The following HOXB4 variants were observed in gnomAD, a reference collection of about 807,000 sequenced individuals.
HOXB4 encodes homeobox protein Hox-B4.
A neutral mutation model predicts 20.0 loss-of-function variants in HOXB4; 13 were observed. That is an observed-to-expected ratio of 0.65 (90% CI 0.42 to 1.03). The LOEUF is 1.03. Among genes scored for constraint, HOXB4 ranks in the 50% least tolerant of loss-of-function variants. The pLI is 0.00. For synonymous variants in HOXB4, 173 were observed against 148.9 expected (o/e 1.16, Z -1.18); for missense variants, 343 against 357.1 (o/e 0.96, Z 0.32).
intron 1 of HOXB4, among the ~76,000 whole-genome samples, chr17:48,577,528 ACCT>A (rs1405497913): frequency 1.3e-5 from 2 of 151,788 alleles, no homozygotes; most frequent in East Asian, 1.9e-4. Flanking sequence ...AATACGGATT[ACCT>A]CCTCCTCCTT....
chr17:48,577,870 C>T lies in HOXB4; in HGVS notation c.450G>A (p.Val150=). 7.1e-7 allele frequency: 1 copy of T among 1,400,320 alleles called. No individual in the cohort carries two copies. The highest frequency in any genetic ancestry group is 9.3e-7 in the Non-Finnish European group (1 of 1,072,640). 86.7% of individuals were successfully genotyped at this position (1,400,320 alleles called of 1,614,324 possible). A position where few individuals can be genotyped will look rare whatever the true frequency, so the allele number is the denominator to read the frequency against. Residue 150 remains valine (V), a synonymous_variant, in exon 1 of 2, where the codon GTG becomes GTA. Transcript: ENST00000332503. ...VVYPWMRKVH[V]STVNPNYAGG... Reference sequence around the variant, plus strand: ...GGGTGCCCACGCACTCACCCGTGCTCACGTGAACTTTGCGCATCCAGGGGT... The same window carrying T: ...GGGTGCCCACGCACTCACCCGTGCTTACGTGAACTTTGCGCATCCAGGGGT...
In HOXB4 at chr17:48,576,681, C is replaced by A; in HGVS notation, c.*41G>T. 4 of 1,499,290 alleles carry A rather than the reference C, an allele frequency of 2.7e-6. No individual in the cohort carries two copies. Among genetic ancestry groups the A allele is most frequent in the South Asian group, 1.3e-5 (1 of 77,808 alleles). The allele number at this position is 1,499,290 out of a possible 1,614,324, so 92.9% of individuals were successfully genotyped here. A position where few individuals can be genotyped will look rare whatever the true frequency, so the allele number is the denominator to read the frequency against. On this transcript the variant is annotated 3_prime_UTR_variant, in exon 2 of 2. Transcript: ENST00000332503. ...CACCCCATCCCCTGCACTCACTGCC[C>A]ACCCCCACCCCGAGGTTCGTGGCTC...
rs1379525727 is a variant in HOXB4, at chr17:48,578,059, G to A, written c.261C>T (p.Pro87=). The part of the protein sequence containing the change: ...PPPPPPPPPP[P]GLSPRAPAPP... ...GCGCAGGAGCCCGAGGGGACAGACC[G>A]GGCGGTGGCGGGGGCGGCGGGGGTG... Residue 87 remains proline, a synonymous_variant, in exon 1 of 2, where the codon CCC becomes CCT. Coordinates refer to ENST00000332503, the MANE Select transcript of HOXB4 (RefSeq NM_024015.5). 1.4e-5 allele frequency: 16 copies of A among 1,169,426 alleles called. No individual in the cohort carries two copies. Among genetic ancestry groups the A allele is most frequent in the Admixed American group, 4.4e-5 (1 of 22,968 alleles). The allele number at this position is 1,169,426 out of a possible 1,614,324, so 72.4% of individuals were successfully genotyped here. A position where few individuals can be genotyped will look rare whatever the true frequency, so the allele number is the denominator to read the frequency against.
rs890616015 is a variant in HOXB4 at position 48,576,467 on chromosome 17, C to CT, written c.*254dup. The CT allele has an allele frequency of 8.3e-5, 32 of 386,646 alleles. No homozygotes were observed. The highest frequency in any genetic ancestry group is 2.3e-4 in the East Asian group (6 of 26,344). 24.0% of individuals were successfully genotyped at this position (386,646 alleles called of 1,614,324 possible). ...TTCCTTCTTCTTGCTTTTTCTTTTT[C>CT]TTTTTTTTAAGAAAGAAAGCAAGAG... On this transcript the variant is annotated 3_prime_UTR_variant, in exon 2 of 2. Coordinates refer to ENST00000332503, the MANE Select transcript of HOXB4 (RefSeq NM_024015.5).
chr17:48,576,753 C>A lies in HOXB4; in HGVS notation c.725G>T (p.Gly242Val). ...GAAGSAGGPP[G>V]RPNGGPRAL The stretch of plus-strand genomic sequence containing the variant: ...CGCGCGGGGGCCTCCATTGGGCCGG[C>A]CAGGGGGCCCTCCGGCTGAGCCTGC... Residue 242 changes from glycine (G) to valine (V), a missense_variant, in exon 2 of 2, where the codon GGC becomes GTC. Gly to Val is a moderately radical substitution (Grantham distance 109). Coordinates refer to ENST00000332503, the MANE Select transcript of HOXB4 (RefSeq NM_024015.5). 2 of 1,611,692 alleles carry A rather than the reference C, an allele frequency of 1.2e-6. No homozygotes were observed. The highest frequency in any genetic ancestry group is 2.2e-5 in the South Asian group (2 of 91,020).
In HOXB4 at chr17:48,576,475, TAAGA is replaced by T. The variant is rs1019747296; in HGVS notation, c.*243_*246del. 1 of 395,782 alleles carries T rather than the reference TAAGA, an allele frequency of 2.5e-6. No individual in the cohort carries two copies. Among genetic ancestry groups the T allele is most frequent in the African/African-American group, 2.1e-5 (1 of 48,448 alleles). 24.5% of individuals were successfully genotyped at this position (395,782 alleles called of 1,614,324 possible). ...TCTTGCTTTTTCTTTTTCTTTTTTT[TAAGA>T]AAGAAAGCAAGAGATTTGAATCTTG... On this transcript the variant is annotated 3_prime_UTR_variant, in exon 2 of 2. Transcript: ENST00000332503.
At chr17:48,577,353 G>A (rs115722344) in intron 1 of HOXB4, among the ~76,000 whole-genome samples, 235 of 152,262 alleles carry the variant, frequency 1.5e-3, no homozygotes, top group African/African-American at 5.3e-3. Context: ...GAAGAGGGAG[G>A]GGAGGTTTCC....
intron 1 of HOXB4, 136 bp from the exon 2 acceptor site, chr17:48,577,156 A>G (rs967490539): frequency 6.7e-5 from 59 of 876,608 alleles, no homozygotes; most frequent in Admixed American, 3.9e-4. Context: ...GAGAGCGGGG[A>G]AAAACGAAAA....
In HOXB4 at chr17:48,578,025, C is replaced by T; in HGVS notation, c.295G>A (p.Ala99Thr). The change falls in exon 1 of 2, where the codon GCC (alanine) becomes ACC (threonine). Residue 99 changes from alanine to threonine, a missense_variant. Transcript: ENST00000332503. ...LSPRAPAPPP[A>T]GALLPEPGQR... The stretch of plus-strand genomic sequence containing the variant: ...CCGGGCTCCGGGAGGAGGGCCCCGG[C>T]GGGTGGCGGCGCAGGAGCCCGAGGG... The T allele has an allele frequency of 1.0e-6, 1 of 955,254 alleles. No homozygotes were observed. Among genetic ancestry groups the T allele is most frequent in the East Asian group, 9.6e-5 (1 of 10,374 alleles). The allele number at this position is 955,254 out of a possible 1,614,324, so 59.2% of individuals were successfully genotyped here. A position where few individuals can be genotyped will look rare whatever the true frequency, so the allele number is the denominator to read the frequency against.
In HOXB4 at chr17:48,576,866, G is replaced by A. The variant is rs1214641674; in HGVS notation, c.612C>T (p.Arg204=). The A allele has an allele frequency of 6.2e-7, 1 of 1,614,242 alleles. No homozygotes were observed. Among genetic ancestry groups the A allele is most frequent in the Non-Finnish European group, 8.5e-7 (1 of 1,180,042 alleles). ...EIAHALCLSE[R]QIKIWFQNRR... is the part of the protein sequence containing the mutation. ...GGTTCTGGAACCAGATCTTGATCTGGCGCTCGGAGAGGCAGAGCGCGTGGG... is the reference window on the plus strand; with the variant it reads ...GGTTCTGGAACCAGATCTTGATCTGACGCTCGGAGAGGCAGAGCGCGTGGG... Residue 204 remains arginine (R), a synonymous_variant, in exon 2 of 2, where the codon CGC becomes CGT. Transcript: ENST00000332503.
In HOXB4 at chr17:48,576,794, G is replaced by A. The variant is rs1303109042; in HGVS notation, c.684C>T (p.Ile228=). The A allele has an allele frequency of 6.2e-7, 1 of 1,614,248 alleles. No homozygotes were observed. Residue 228 remains isoleucine, a synonymous_variant, in exon 2 of 2, where the codon ATC becomes ATT. Transcript: ENST00000332503. ...KKDHKLPNTK[I]RSGGAAGSAG... is the part of the protein sequence containing the mutation. Reference sequence around the variant, plus strand: ...CTGAGCCTGCCGCACCACCCGAGCGGATCTTGGTGTTGGGCAACTTGTGGT... The same window carrying A: ...CTGAGCCTGCCGCACCACCCGAGCGAATCTTGGTGTTGGGCAACTTGTGGT...
rs1202430976 is a variant in HOXB4 at position 48,578,222 on chromosome 17, T to C, written c.98A>G (p.His33Arg). Residue 33 changes from histidine to arginine, a missense_variant, in exon 1 of 2, where the codon CAC (histidine) becomes CGC (arginine). Physicochemically the swap from His to Arg is conservative, Grantham distance 29. This residue lies in a region of HOXB4 where 241 missense variants were observed against 222.0 expected (regional missense o/e 1.09). Transcript: ENST00000332503. ...GCCGCCGGCGTAGTACCCGGGCGAG[T>C]GGTCGCTGGGTAGGTAATCGCTCTG... is the stretch of plus-strand genomic sequence containing the variant. ...YSQSDYLPSD[H>R]SPGYYAGGQR... 6.2e-7 allele frequency: 1 copy of C among 1,613,618 alleles called. No individual in the cohort carries two copies. Among genetic ancestry groups the C allele is most frequent in the South Asian group, 1.1e-5 (1 of 91,042 alleles).
At position 48,575,761 on chromosome 17, in the gene HOXB4, G is replaced by C. The variant is rs1482392503; in HGVS notation, c.*961C>G. 1 of 152,548 alleles carries C rather than the reference G, an allele frequency of 6.6e-6. No homozygotes were observed. Among genetic ancestry groups the C allele is most frequent in the Non-Finnish European group, 1.5e-5 (1 of 68,030 alleles). 9.4% of individuals were successfully genotyped at this position (152,548 alleles called of 1,614,324 possible). A position where few individuals can be genotyped will look rare whatever the true frequency, so the allele number is the denominator to read the frequency against. ...AGGGCTCTGCAACATCCTCCTCCCA[G>C]ACTGGGAGGGGCACATTTTATTTCC... On this transcript the variant is annotated 3_prime_UTR_variant, in exon 2 of 2. Coordinates refer to ENST00000332503, the MANE Select transcript of HOXB4 (RefSeq NM_024015.5).
intron 1 of HOXB4, 91 bp from the exon 2 acceptor site, chr17:48,577,111 C>T (rs2069790853): frequency 2.4e-6 from 3 of 1,255,008 alleles, no homozygotes; most frequent in South Asian, 1.5e-5. Context: ...CGTTTCCCTC[C>T]CTCCCTCTCC....
intron 1 of HOXB4, 82 bp from the exon 2 acceptor site, chr17:48,577,102 GT>G: frequency 7.4e-7 from 1 of 1,349,500 alleles, no homozygotes; most frequent in African/African-American, 1.5e-5. Context: ...GGAACACAGC[GT>G]TTCCCTCCCT....
chr17:48,576,661 C>CA lies in HOXB4; in HGVS notation c.*60dup. 4.4e-6 allele frequency: 4 copies of CA among 918,212 alleles called. No homozygotes were observed. Among genetic ancestry groups the CA allele is most frequent in the Non-Finnish European group, 6.0e-6 (4 of 663,672 alleles). 56.9% of individuals were successfully genotyped at this position (918,212 alleles called of 1,614,324 possible). The stretch of plus-strand genomic sequence containing the variant: ...AGGGCCCCCTCCTGTCCCCCCACCC[C>CA]ATCCCCTGCACTCACTGCCCACCCC... On this transcript the variant is annotated 3_prime_UTR_variant, in exon 2 of 2. Coordinates refer to ENST00000332503, the MANE Select transcript of HOXB4 (RefSeq NM_024015.5).
chr17:48,576,659 CCCAT>C lies in HOXB4; in HGVS notation c.*59_*62del. 1 of 891,842 alleles carries C rather than the reference CCCAT, an allele frequency of 1.1e-6. No individual in the cohort carries two copies. Among genetic ancestry groups the C allele is most frequent in the Non-Finnish European group, 1.6e-6 (1 of 641,974 alleles). The allele number at this position is 891,842 out of a possible 1,614,324, so 55.2% of individuals were successfully genotyped here. ...CCAGGGCCCCCTCCTGTCCCCCCAC[CCCAT>C]CCCCTGCACTCACTGCCCACCCCCA... On this transcript the variant is annotated 3_prime_UTR_variant, in exon 2 of 2. Coordinates refer to ENST00000332503, the MANE Select transcript of HOXB4 (RefSeq NM_024015.5).
In HOXB4 at chr17:48,576,115, G is replaced by C. The variant is rs1461987220; in HGVS notation, c.*607C>G. On this transcript the variant is annotated 3_prime_UTR_variant, in exon 2 of 2. Transcript: ENST00000332503. ...GCACGAAAGATGAGGGAGAGTGTGTGTGTGTTACCGTGACCAAAACACTGC... is the reference window on the plus strand; with the variant it reads ...GCACGAAAGATGAGGGAGAGTGTGTCTGTGTTACCGTGACCAAAACACTGC... 3 of 152,648 alleles carry C rather than the reference G, an allele frequency of 2.0e-5. No individual in the cohort carries two copies. Among genetic ancestry groups the C allele is most frequent in the Non-Finnish European group, 4.4e-5 (3 of 68,076 alleles). The allele number at this position is 152,648 out of a possible 1,614,324, so 9.5% of individuals were successfully genotyped here. A position where few individuals can be genotyped will look rare whatever the true frequency, so the allele number is the denominator to read the frequency against.
chr17:48,576,585 G>A lies in HOXB4; in HGVS notation c.*137C>T, dbSNP rs1567963025. The A allele has an allele frequency of 1.4e-6, 1 of 695,948 alleles. No homozygotes were observed. The highest frequency in any genetic ancestry group is 2.2e-5 in the South Asian group (1 of 45,748). 43.1% of individuals were successfully genotyped at this position (695,948 alleles called of 1,614,324 possible). On this transcript the variant is annotated 3_prime_UTR_variant, in exon 2 of 2. Transcript: ENST00000332503. ...CCCTCCCCCTCTTCTGCGTTTATTC[G>A]TATATAAAGTGTGGGGGAGGGCAGA... is the stretch of plus-strand genomic sequence containing the variant.
Sources: allele counts gnomAD v4.1 joint callset (sites outside exome capture counted in the v4.1 genomes callset), GRCh38; gene constraint gnomAD v4.1.1; regional missense constraint gnomAD v4.1.1; transcripts MANE v1.5; gene names NCBI Gene and HGNC (gene_info 2026-07-23, HGNC 2026-07-21).